Variants in PARN observed in about 807,000 individuals in gnomAD.
PARN encodes the protein poly(A)-specific ribonuclease PARN.
Under a neutral mutation model 102.8 loss-of-function variants are expected in PARN, and 71 were observed. That is an observed-to-expected ratio of 0.69 (90% confidence interval 0.57 to 0.84). The LOEUF is 0.84. Among genes scored for constraint, PARN ranks in the 40% least tolerant of loss-of-function variants. PARN has a pLI of 0.00. For missense variants in PARN, 782 were observed against 760.9 expected (o/e 1.03, Z -0.33); for synonymous variants, 261 against 252.9 (o/e 1.03, Z -0.30).
intron 21 of PARN, among the ~76,000 whole-genome samples, chr16:14,490,256 G>C (rs553126204): frequency 2.7e-4 from 41 of 152,222 alleles, no homozygotes; most frequent in Admixed American, 1.2e-3. Context: ...CATTATCCTG[G>C]CTTTATAGAT....
chr16:14,593,319 G>C lies in PARN; in HGVS notation c.900C>G (p.Phe300Leu). 1.3e-6 allele frequency: 2 copies of C among 1,596,028 alleles called. No homozygotes were observed. The highest frequency in any genetic ancestry group is 1.7e-6 in the Non-Finnish European group (2 of 1,163,704). ...LLDVMHTVHQ[F>L]YCPLPADLSE... is the part of the protein sequence containing the mutation. ...CACTTACCGCAGGCAGAGGGCAGTAGAACTGATGAACTGTGTGCATGACGT... is the reference window on the plus strand; with the variant it reads ...CACTTACCGCAGGCAGAGGGCAGTACAACTGATGAACTGTGTGCATGACGT... Residue 300 changes from phenylalanine (F) to leucine (L), a missense_variant, in exon 13 of 24, where the codon TTC becomes TTG. Phe to Leu is a conservative substitution (Grantham distance 22). Coordinates refer to ENST00000437198, the MANE Select transcript of PARN (RefSeq NM_002582.4).
chr16:14,479,005 G>C (rs1450680206), intron 22 of PARN, among the ~76,000 whole-genome samples: 1 of 152,148 alleles, frequency 6.6e-6, no homozygotes, highest in Non-Finnish European at 1.5e-5. Context: ...CCTGACCTCA[G>C]GTCATCTGCC....
chr16:14,449,257 AT>A (rs2151559541), intron 22 of PARN, among the ~76,000 whole-genome samples: 1 of 152,306 alleles, frequency 6.6e-6, no homozygotes, highest in East Asian at 1.9e-4. Flanking sequence ...TAACAGTGGT[AT>A]CTCTAAATAC....
At chr16:14,577,119 T>C (rs1969191730) in intron 18 of PARN, among the ~76,000 whole-genome samples, 1 of 152,258 alleles carries the variant, frequency 6.6e-6, no homozygotes, top group South Asian at 2.1e-4. Flanking sequence ...GGCAGTTTAA[T>C]GTCCACCCAA....
chr16:14,618,672 A>T (rs928447330), intron 5 of PARN, among the ~76,000 whole-genome samples: 1 of 151,682 alleles, frequency 6.6e-6, no homozygotes, highest in African/African-American at 2.4e-5. Context: ...AAAAAAAAAA[A>T]AATATTCCAC....
At chr16:14,552,499 C>CA (rs933270735) in intron 20 of PARN, among the ~76,000 whole-genome samples, 1 of 152,034 alleles carries the variant, frequency 6.6e-6, no homozygotes, top group Non-Finnish European at 1.5e-5. Flanking sequence ...ATTTTTGAGA[C>CA]AGAGTCTCAC....
intron 22 of PARN, among the ~76,000 whole-genome samples, chr16:14,481,169 T>A (rs1045856897): frequency 1.1e-4 from 17 of 152,166 alleles, no homozygotes; most frequent in Admixed American, 7.9e-4. Flanking sequence ...GACAAAAAAA[T>A]TATCTTACTG....
chr16:14,529,095 T>C (rs187203738), intron 21 of PARN, among the ~76,000 whole-genome samples: 1 of 152,258 alleles, frequency 6.6e-6, no homozygotes, highest in Admixed American at 6.5e-5. Flanking sequence ...CACTTCACCG[T>C]GAGTGCAAAG....
intron 6 of PARN, among the ~76,000 whole-genome samples, chr16:14,615,445 A>C (rs1257279474): frequency 6.6e-6 from 1 of 152,234 alleles, no homozygotes; most frequent in East Asian, 1.9e-4. Flanking sequence ...TTCAGAGTCA[A>C]GTATGAGACG....
chr16:14,503,129 A>ATT (rs1216189841), intron 21 of PARN, among the ~76,000 whole-genome samples: 1 of 151,654 alleles, frequency 6.6e-6, no homozygotes. Context: ...TTTGAGAAGA[A>ATT]CCTCCCCCCA....
intron 23 of PARN, among the ~76,000 whole-genome samples, chr16:14,442,362 G>A (rs960624230): frequency 2.0e-5 from 3 of 152,178 alleles, no homozygotes; most frequent in African/African-American, 7.2e-5. Flanking sequence ...GGCATGCAGA[G>A]TAGTTTTCCT....
In PARN at chr16:14,435,896, TCACACACACACACACA is replaced by T. The variant is rs71373026; in HGVS notation, c.*805_*820del. The stretch of plus-strand genomic sequence containing the variant: ...GGACATGTTGTAGATTTGCACGATT[TCACACACACACACACA>T]CACACACACACACACACACACACAC... On this transcript the variant is annotated 3_prime_UTR_variant, in exon 24 of 24. Coordinates refer to ENST00000437198, the MANE Select transcript of PARN (RefSeq NM_002582.4). 30 of 131,164 alleles carry T rather than the reference TCACACACACACACACA, an allele frequency of 2.3e-4. 1 individual carries two copies. The highest frequency in any genetic ancestry group is 9.1e-4 in the South Asian group (3 of 3,302). 8.1% of individuals were successfully genotyped at this position (131,164 alleles called of 1,614,324 possible). A position where few individuals can be genotyped will look rare whatever the true frequency, so the allele number is the denominator to read the frequency against.
chr16:14,575,532 G>A (rs150015656), intron 18 of PARN, among the ~76,000 whole-genome samples: 2 of 152,264 alleles, frequency 1.3e-5, no homozygotes, highest in East Asian at 3.9e-4. Flanking sequence ...ATAAGAGCCT[G>A]TAGCCAATTA....
At chr16:14,584,967 T>C (rs552934508) in intron 14 of PARN, among the ~76,000 whole-genome samples, 176 bp from the exon 15 acceptor site, 1 of 152,250 alleles carries the variant, frequency 6.6e-6, no homozygotes, top group African/African-American at 2.4e-5. Flanking sequence ...ATTGGCCATT[T>C]TGAACCCAGC....
chr16:14,475,223 A>AT, intron 22 of PARN, among the ~76,000 whole-genome samples: 1 of 152,376 alleles, frequency 6.6e-6, no homozygotes, highest in Non-Finnish European at 1.5e-5. Context: ...GGCTTTAGAA[A>AT]ATCATTCCCT....
At chr16:14,493,695 A>G (rs1365506227) in intron 21 of PARN, among the ~76,000 whole-genome samples, 1 of 152,248 alleles carries the variant, frequency 6.6e-6, no homozygotes, top group African/African-American at 2.4e-5. Flanking sequence ...GAGCAGGGGC[A>G]GCAGCAAAGG....
Position 14,629,657 on chromosome 16 carries a change from G to A in PARN, c.37C>T (p.His13Tyr), listed in dbSNP as rs756570032. ...IIRSNFKSNL[H>Y]KVYQAIEEAD... ...TCCTCTATGGCCTGGTACACTTTGT[G>A]AAGATTACTCTTAAAATCTGCGGAG... The change falls in exon 2 of 24, where the codon CAC becomes TAC. Residue 13 changes from histidine (H) to tyrosine (Y), a missense_variant. Coordinates refer to ENST00000437198, the MANE Select transcript of PARN (RefSeq NM_002582.4). 1.9e-6 allele frequency: 3 copies of A among 1,612,848 alleles called. No individual in the cohort carries two copies. Among genetic ancestry groups the A allele is most frequent in the Admixed American group, 1.7e-5 (1 of 60,028 alleles).
chr16:14,468,384 G>A (rs1278792212), intron 22 of PARN, among the ~76,000 whole-genome samples: 2 of 152,164 alleles, frequency 1.3e-5, no homozygotes, highest in African/African-American at 4.8e-5. Context: ...GTGGACAGTC[G>A]GTCCATGTTT....
chr16:14,503,341 G>A (rs1964720904), intron 21 of PARN, among the ~76,000 whole-genome samples: 1 of 152,180 alleles, frequency 6.6e-6, no homozygotes, highest in Non-Finnish European at 1.5e-5. Flanking sequence ...GTGGTTAGAA[G>A]CAATTCTGAA....
Sources: gnomAD v4.1 joint callset for allele counts (sites outside exome capture counted in the v4.1 genomes callset) on GRCh38, gnomAD v4.1.1 for gene constraint, MANE v1.5 for transcripts, NCBI Gene and HGNC (gene_info 2026-07-23, HGNC 2026-07-21) for gene names.